Variants in STK39 observed in about 807,000 individuals in gnomAD.
STK39 encodes the protein serine/threonine kinase 39, also known as STE20/SPS1-related proline-alanine-rich protein kinase.
Under a neutral mutation model 77.8 loss-of-function variants are expected in STK39, and 20 were observed. The ratio of observed to expected loss-of-function variants is 0.26; its 90% CI spans 0.18 to 0.37. The LOEUF is 0.37. STK39 is among the 10% of genes least tolerant of loss of function. The pLI is 1.00. For missense variants in STK39, 479 were observed against 656.5 expected, an observed-to-expected ratio of 0.73 and a Z score of 2.95; for synonymous variants, 246 against 234.1, an observed-to-expected ratio of 1.05 and a Z score of -0.47.
At chr2:168,022,178 T>C (rs888602139) in intron 14 of STK39, among the ~76,000 whole-genome samples, 33 of 152,206 alleles carry the variant, frequency 2.2e-4, no homozygotes, top group Admixed American at 1.4e-3. Flanking sequence ...GAACAGACTG[T>C]TTCCAATCTT....
intron 10 of STK39, among the ~76,000 whole-genome samples, chr2:168,087,822 C>G (rs1294663539): frequency 6.6e-6 from 1 of 152,092 alleles, no homozygotes; most frequent in Non-Finnish European, 1.5e-5. Context: ...ATGTTAATGT[C>G]TCTAAGTGAA....
At chr2:167,980,877 TTTC>T (rs138961997) in intron 16 of STK39, among the ~76,000 whole-genome samples, 4,714 of 151,982 alleles carry the variant, frequency 0.031, 230 homozygotes, top group East Asian at 0.21. Flanking sequence ...TTTATCTTCA[TTTC>T]TTCTTCTTCT....
chr2:168,080,272 A>C (rs1559087198), intron 10 of STK39, among the ~76,000 whole-genome samples: 1 of 152,208 alleles, frequency 6.6e-6, no homozygotes, highest in Non-Finnish European at 1.5e-5. Context: ...TGTTAAAGGC[A>C]TTCAGTTTTA....
At chr2:168,131,349 C>A (rs1687691850) in intron 8 of STK39, among the ~76,000 whole-genome samples, 1 of 151,976 alleles carries the variant, frequency 6.6e-6, no homozygotes, top group East Asian at 1.9e-4. Context: ...TTATCTTAGG[C>A]AACAATTACC....
intron 17 of STK39, among the ~76,000 whole-genome samples, chr2:167,956,736 C>CA (rs1288280639): frequency 2.8e-4 from 14 of 49,604 alleles, no homozygotes; most frequent in African/African-American, 7.8e-4. Flanking sequence ...TCTCCCCCCC[C>CA]GCCCCCTCAG....
intron 10 of STK39, among the ~76,000 whole-genome samples, chr2:168,117,884 C>A (rs529190369): frequency 7.2e-5 from 11 of 152,154 alleles, no homozygotes; most frequent in African/African-American, 2.4e-4. Flanking sequence ...CTATTAATGA[C>A]AAGAAGCCAT....
chr2:168,247,089 ACTG>A, intron 1 of STK39, 136 bp downstream of exon 1: 2 of 261,086 alleles, frequency 7.7e-6, no homozygotes, highest in Non-Finnish European at 1.2e-5. Context: ...AAAAAAAAAA[ACTG>A]TTGAAGCCAG....
At chr2:168,165,993 T>C (rs1688686790) in intron 3 of STK39, among the ~76,000 whole-genome samples, 1 of 152,144 alleles carries the variant, frequency 6.6e-6, no homozygotes, top group African/African-American at 2.4e-5. Context: ...GTATGCTGGG[T>C]GTTCCCAAGG....
chr2:168,025,715 G>A (rs1478153288), intron 14 of STK39, among the ~76,000 whole-genome samples: 2 of 152,142 alleles, frequency 1.3e-5, no homozygotes, highest in East Asian at 1.9e-4. Flanking sequence ...GAAAAGATTA[G>A]GCAATATGAG....
chr2:168,026,573 G>A (rs1684704305), intron 14 of STK39, among the ~76,000 whole-genome samples: 1 of 152,120 alleles, frequency 6.6e-6, no homozygotes, highest in African/African-American at 2.4e-5. Flanking sequence ...AACAGAACCT[G>A]GGACTCAGGA....
intron 14 of STK39, among the ~76,000 whole-genome samples, chr2:168,022,581 T>C (rs1176252632): frequency 6.6e-6 from 1 of 152,228 alleles, no homozygotes; most frequent in Non-Finnish European, 1.5e-5. Flanking sequence ...AAATTTTATA[T>C]GACATTCCAT....
chr2:168,155,592 A>G (rs1688406288), intron 5 of STK39, among the ~76,000 whole-genome samples: 1 of 146,998 alleles, frequency 6.8e-6, no homozygotes, highest in Non-Finnish European at 1.5e-5. Context: ...TTTAATTTTC[A>G]TGTGTATTCT....
chr2:168,096,170 A>AT (rs908338830), intron 10 of STK39, among the ~76,000 whole-genome samples: 8 of 151,444 alleles, frequency 5.3e-5, no homozygotes, highest in Admixed American at 6.6e-5. Flanking sequence ...ATTGGCTGAG[A>AT]TTTTTTTTTC....
intron 10 of STK39, among the ~76,000 whole-genome samples, chr2:168,087,061 C>T (rs550618402): frequency 3.3e-5 from 5 of 152,236 alleles, no homozygotes; most frequent in South Asian, 2.1e-4. Flanking sequence ...ATAAAGAGAA[C>T]GATAGGAACA....
intron 15 of STK39, 104 bp downstream of exon 15, chr2:168,016,939 A>C: frequency 3.3e-6 from 3 of 900,100 alleles, no homozygotes; most frequent in Non-Finnish European, 5.0e-6. Context: ...TTCCTTCACT[A>C]TTAAACAAAG....
intron 14 of STK39, among the ~76,000 whole-genome samples, chr2:168,024,832 A>G (rs1216025057): frequency 2.0e-5 from 3 of 152,218 alleles, no homozygotes; most frequent in Non-Finnish European, 4.4e-5. Context: ...GAGACAAGGA[A>G]ACTGAGGCTT....
intron 10 of STK39, among the ~76,000 whole-genome samples, chr2:168,078,261 A>C (rs951105814): frequency 1.3e-5 from 2 of 151,742 alleles, no homozygotes; most frequent in Non-Finnish European, 1.5e-5. Context: ...AAACCCGTTA[A>C]ATAAATGAAC....
chr2:168,110,496 C>T (rs1408959429), intron 10 of STK39, among the ~76,000 whole-genome samples: 1 of 152,122 alleles, frequency 6.6e-6, no homozygotes, highest in East Asian at 1.9e-4. Context: ...CCTTAGCCTC[C>T]CAAAGTGCTA....
At chr2:168,128,479 A>G (rs918018471) in intron 10 of STK39, among the ~76,000 whole-genome samples, 1 of 152,148 alleles carries the variant, frequency 6.6e-6, no homozygotes, top group Non-Finnish European at 1.5e-5. Context: ...AACTGGGCTC[A>G]TATCTCCAAA....
Sources: allele counts gnomAD v4.1 joint callset (sites outside exome capture counted in the v4.1 genomes callset), GRCh38; gene constraint gnomAD v4.1.1; transcripts MANE v1.5; gene names NCBI Gene and HGNC (gene_info 2026-07-23, HGNC 2026-07-21).